Variants in COL5A2 observed in about 807,000 individuals in gnomAD.
COL5A2 encodes collagen type V alpha 2 chain.
In COL5A2, 23 loss-of-function variants were observed where a neutral mutation model predicts 208.2. That is an observed-to-expected ratio of 0.11 (90% CI 0.08 to 0.16). COL5A2 has a LOEUF of 0.16. Ranked by LOEUF, COL5A2 falls within the 10% of genes least tolerant of loss-of-function variation. The pLI, the probability that COL5A2 is intolerant of heterozygous loss-of-function variation, is 1.00. For synonymous variants in COL5A2, 625 were observed against 628.5 expected (o/e 0.99, Z 0.08); for missense variants, 1,590 against 1,956.4 (o/e 0.81, Z 3.53).
chr2:189,422,394 A>T, the COL5A2 span, among the ~76,000 whole-genome samples: 1 of 152,188 alleles, frequency 6.6e-6, no homozygotes, highest in Admixed American at 6.5e-5. Flanking sequence ...AACAAAATGT[A>T]AAATATAATA....
At chr2:189,267,243 AG>A in the COL5A2 span, among the ~76,000 whole-genome samples, 2 of 152,142 alleles carry the variant, frequency 1.3e-5, no homozygotes, top group Non-Finnish European at 2.9e-5. Context: ...CCTTGGTAGG[AG>A]TCAGATGAAG....
chr2:189,195,406 T>G (rs1688987273), intron 1 of COL5A2, among the ~76,000 whole-genome samples: 2 of 152,162 alleles, frequency 1.3e-5, no homozygotes, highest in African/African-American at 4.8e-5. Flanking sequence ...ATTCATAGAT[T>G]CACTGCTATT....
chr2:189,351,219 C>T, the COL5A2 span, among the ~76,000 whole-genome samples: 2 of 152,150 alleles, frequency 1.3e-5, no homozygotes, highest in African/African-American at 4.8e-5. Context: ...CAAATTAAGG[C>T]CTTAACATCT....
chr2:189,058,738 A>C, intron 32 of COL5A2, 111 bp downstream of exon 32: 1 of 1,055,136 alleles, frequency 9.5e-7, no homozygotes, highest in Non-Finnish European at 1.4e-6. Context: ...ATTTTTATCC[A>C]GTCAAAGAAT....
the COL5A2 span, among the ~76,000 whole-genome samples, chr2:189,402,647 A>G: frequency 3.9e-5 from 6 of 152,242 alleles, 2 homozygotes; most frequent in South Asian, 1.2e-3. Context: ...TTTATTAAAT[A>G]GGGAATCTTT....
At chr2:189,200,152 T>A (rs1689052850) in intron 1 of COL5A2, among the ~76,000 whole-genome samples, 1 of 152,200 alleles carries the variant, frequency 6.6e-6, no homozygotes, top group South Asian at 2.1e-4. Context: ...CCCTGGGTTC[T>A]GTACCATCTT....
At chr2:189,192,419 AC>A (rs1357767215) in intron 1 of COL5A2, among the ~76,000 whole-genome samples, 2 of 152,168 alleles carry the variant, frequency 1.3e-5, no homozygotes, top group Non-Finnish European at 2.9e-5. Context: ...CCTCTCACTA[AC>A]CACTTTACAT....
chr2:189,366,850 C>T, the COL5A2 span, among the ~76,000 whole-genome samples: 1 of 152,182 alleles, frequency 6.6e-6, no homozygotes, highest in Admixed American at 6.6e-5. Context: ...GTTTGTGCGT[C>T]TTCCCAATTA....
the COL5A2 span, among the ~76,000 whole-genome samples, chr2:189,381,564 G>C: frequency 4.2e-4 from 64 of 151,908 alleles, no homozygotes; most frequent in African/African-American, 1.4e-3. Flanking sequence ...TTGATAAAGA[G>C]GGTTATTATT....
chr2:189,185,388 T>C (rs1688838261), intron 1 of COL5A2, among the ~76,000 whole-genome samples: 1 of 152,126 alleles, frequency 6.6e-6, no homozygotes, highest in Non-Finnish European at 1.5e-5. Flanking sequence ...AAGGCAAAGA[T>C]AGAAGCAGGG....
the COL5A2 span, among the ~76,000 whole-genome samples, chr2:189,321,346 G>A: frequency 6.6e-6 from 1 of 152,154 alleles, no homozygotes; most frequent in African/African-American, 2.4e-5. Flanking sequence ...TGGGCTAAAT[G>A]TTCCAATTAA....
At chr2:189,092,546 A>T (rs1261077701) in intron 6 of COL5A2, 126 bp from the exon 7 acceptor site, 8 of 712,822 alleles carry the variant, frequency 1.1e-5, no homozygotes, top group African/African-American at 3.5e-5. Context: ...CAATCTAGCC[A>T]CTTAGAGTAA....
intron 30 of COL5A2, among the ~76,000 whole-genome samples, chr2:189,061,320 T>C (rs992356855): frequency 1.1e-4 from 17 of 152,092 alleles, no homozygotes; most frequent in Non-Finnish European, 2.5e-4. Flanking sequence ...TTTATTACTT[T>C]TTTGTTATTT....
the COL5A2 span, among the ~76,000 whole-genome samples, chr2:189,245,901 A>G: frequency 6.6e-6 from 1 of 152,200 alleles, no homozygotes; most frequent in African/African-American, 2.4e-5. Context: ...TTCTGGCTGG[A>G]GAAATTCATG....
chr2:189,126,279 T>A (rs1489433924), intron 1 of COL5A2, among the ~76,000 whole-genome samples: 1 of 152,096 alleles, frequency 6.6e-6, no homozygotes, highest in Non-Finnish European at 1.5e-5. Flanking sequence ...GTGGATTCTT[T>A]CCAATGGTAA....
the COL5A2 span, among the ~76,000 whole-genome samples, chr2:189,266,110 G>A: frequency 6.6e-6 from 1 of 152,066 alleles, no homozygotes; most frequent in African/African-American, 2.4e-5. Context: ...ATCCATGCAA[G>A]GGAATATTAT....
At chr2:189,267,282 A>C in the COL5A2 span, among the ~76,000 whole-genome samples, 2 of 152,092 alleles carry the variant, frequency 1.3e-5, no homozygotes, top group Non-Finnish European at 2.9e-5. Context: ...ACCAGCCTAG[A>C]AGGTATATTT....
At chr2:189,127,536 C>A (rs764521148) in intron 1 of COL5A2, among the ~76,000 whole-genome samples, 5 of 151,994 alleles carry the variant, frequency 3.3e-5, no homozygotes, top group Non-Finnish European at 7.4e-5. Context: ...TTCACACCAA[C>A]ACTGAAAACT....
At chr2:189,360,330 AT>A in the COL5A2 span, among the ~76,000 whole-genome samples, 5 of 152,148 alleles carry the variant, frequency 3.3e-5, no homozygotes, top group Non-Finnish European at 7.4e-5. Flanking sequence ...TCTTAACAAC[AT>A]TATATTTCAA....
Sources: gnomAD v4.1 joint callset for allele counts (sites outside exome capture counted in the v4.1 genomes callset) on GRCh38, gnomAD v4.1.1 for gene constraint, MANE v1.5 for transcripts, NCBI Gene and HGNC (gene_info 2026-07-23, HGNC 2026-07-21) for gene names.